The following MDM4 variants were observed in gnomAD, a reference collection of about 807,000 sequenced individuals.
The protein encoded by MDM4 is MDM4 regulator of p53.
A neutral mutation model predicts 60.2 loss-of-function variants in MDM4; 2 were observed. The ratio of observed to expected loss-of-function variants is 0.03; its 90% CI spans 0.01 to 0.10. The LOEUF is 0.10. MDM4 is among the 10% of genes least tolerant of loss of function. MDM4 has a pLI of 1.00. For synonymous variants in MDM4, 202 were observed against 198.1 expected, an observed-to-expected ratio of 1.02 and a Z score of -0.17; for missense variants, 447 against 577.5, an observed-to-expected ratio of 0.77 and a Z score of 2.32.
intron 7 of MDM4, among the ~76,000 whole-genome samples, chr1:204,539,937 A>G (rs1025266380): frequency 6.6e-6 from 1 of 152,164 alleles, no homozygotes; most frequent in Non-Finnish European, 1.5e-5. Context: ...ATTATTTAAA[A>G]TATTACAAAA....
At position 204,553,527 on chromosome 1, in the gene MDM4, A is replaced by G. The variant is rs1663365653; in HGVS notation, c.*3845A>G. Reference sequence around the variant, plus strand: ...CGAGTTGATATCTTGATTGTGAGGAAGGATCTGTGTCATTGGAGCTTGTTT... The same window carrying G: ...CGAGTTGATATCTTGATTGTGAGGAGGGATCTGTGTCATTGGAGCTTGTTT... On this transcript the variant is annotated 3_prime_UTR_variant, in exon 11 of 11. Coordinates refer to ENST00000367182, the MANE Select transcript of MDM4 (RefSeq NM_002393.5). 1 of 226,816 alleles carries G rather than the reference A, an allele frequency of 4.4e-6. No homozygotes were observed. The highest frequency in any genetic ancestry group is 2.2e-5 in the African/African-American group (1 of 45,000). The allele number at this position is 226,816 out of a possible 1,614,324, so 14.1% of individuals were successfully genotyped here.
intron 1 of MDM4, among the ~76,000 whole-genome samples, chr1:204,523,465 T>TA (rs1381553438): frequency 1.1e-4 from 12 of 104,756 alleles, no homozygotes; most frequent in Non-Finnish European, 1.4e-4. Flanking sequence ...AGACTCCACC[T>TA]AAAAAAAATT....
At position 204,539,544 on chromosome 1, in the gene MDM4, T is replaced by G. The variant is rs149190749; in HGVS notation, c.511+1236T>G. On this transcript the variant is annotated intron_variant, in intron 7 of 10. Coordinates refer to ENST00000367182, the MANE Select transcript of MDM4 (RefSeq NM_002393.5). ...TTTTTTTTTTGTTTTGTTTTGTTTTTTTTTTTTTGAGACAGGGTCTTGCTC... is the reference window on the plus strand; with the variant it reads ...TTTTTTTTTTGTTTTGTTTTGTTTTGTTTTTTTTGAGACAGGGTCTTGCTC... Among the ~76,000 whole-genome samples the G allele has an allele frequency of 6.9e-3, 1,044 of 150,382 alleles. 12 individuals are homozygous for G. The highest frequency in any genetic ancestry group is 0.022 in the African/African-American group (903 of 40,688).
chr1:204,520,044 G>A (rs1380804257), intron 1 of MDM4, among the ~76,000 whole-genome samples: 1 of 152,122 alleles, frequency 6.6e-6, no homozygotes, highest in Non-Finnish European at 1.5e-5. Flanking sequence ...TTGGGAGGCC[G>A]AGGCGGGCGG....
At chr1:204,519,830 T>C (rs1399753038) in intron 1 of MDM4, among the ~76,000 whole-genome samples, 1 of 151,492 alleles carries the variant, frequency 6.6e-6, no homozygotes, top group Admixed American at 6.6e-5. Flanking sequence ...TCTATATCTA[T>C]TCTGTAATTT....
At chr1:204,538,367 T>G (rs2102396840) in intron 7 of MDM4, 59 bp downstream of exon 7, 1 of 894,106 alleles carries the variant, frequency 1.1e-6, no homozygotes, top group East Asian at 2.4e-5. Context: ...AACCTTTTTA[T>G]TTTTAATCTC....
intron 10 of MDM4, among the ~76,000 whole-genome samples, chr1:204,547,383 G>A (rs552708808): frequency 1.3e-5 from 2 of 152,318 alleles, no homozygotes; most frequent in South Asian, 2.1e-4. Context: ...GGTTAATAGG[G>A]ATGGATTTGT....
intron 1 of MDM4, among the ~76,000 whole-genome samples, chr1:204,516,942 T>C (rs1659037527): frequency 1.3e-5 from 2 of 152,138 alleles, no homozygotes; most frequent in African/African-American, 4.8e-5. Context: ...AGTGCTTGTT[T>C]GAAAATGCTT....
rs767684417 is a variant in MDM4, at chr1:204,549,129, C to T, written c.920C>T (p.Thr307Ile). 2.5e-6 allele frequency: 4 copies of T among 1,607,972 alleles called. No homozygotes were observed. Among genetic ancestry groups the T allele is most frequent in the Non-Finnish European group, 3.4e-6 (4 of 1,176,026 alleles). ...EVTSEDEWQC[T>I]ECKKFNSPSK... ...TCTTTGTAGGATGAGTGGCAGTGTA[C>T]TGAATGCAAGAAATTTAACTCTCCA... The change falls in exon 11 of 11, where the codon ACT becomes ATT. Residue 307 changes from threonine (T) to isoleucine (I), a missense_variant. By Grantham distance (89) the Thr-to-Ile change is moderately conservative (BLOSUM62 -1). Transcript: ENST00000367182.
At chr1:204,532,602 G>T in intron 5 of MDM4, 1 of 613,316 alleles carries the variant, frequency 1.6e-6, no homozygotes, top group Non-Finnish European at 2.8e-6. Context: ...TTCATAGCCA[G>T]TTTATGTATC....
chr1:204,530,618 C>T, intron 3 of MDM4, 66 bp from the exon 4 acceptor site: 2 of 1,589,424 alleles, frequency 1.3e-6, no homozygotes, highest in Non-Finnish European at 8.6e-7. Context: ...ACCTTACCTC[C>T]TCTAATGAAT....
rs191548325 is a variant in MDM4 at position 204,551,237 on chromosome 1, C to T, written c.*1555C>T. The T allele has an allele frequency of 1.4e-3, 295 of 213,594 alleles. 1 individual carries two copies. The highest frequency in any genetic ancestry group is 2.3e-3 in the Non-Finnish European group (244 of 106,222). The allele number at this position is 213,594 out of a possible 1,614,324, so 13.2% of individuals were successfully genotyped here. On this transcript the variant is annotated 3_prime_UTR_variant, in exon 11 of 11. Coordinates refer to ENST00000367182, the MANE Select transcript of MDM4 (RefSeq NM_002393.5). ...AATTTTGTATTTTTTGTACAGACAGCATTTTGCCATGTTGCCCAGGCTGGT... is the reference window on the plus strand; with the variant it reads ...AATTTTGTATTTTTTGTACAGACAGTATTTTGCCATGTTGCCCAGGCTGGT...
rs1019933327 is a variant in MDM4 at position 204,544,743 on chromosome 1, G to C, written c.822+59G>C. On this transcript the variant is annotated intron_variant, in intron 9 of 10. Transcript: ENST00000367182. ...TTGTGTGCTCATAGTATCATCTGTT[G>C]AGATTTCTTTGTATCTGTTTTTACA... 5 of 1,488,138 alleles carry C rather than the reference G, an allele frequency of 3.4e-6. No individual in the cohort carries two copies. The East Asian group carries it at 9.3e-5, about 28-fold the overall frequency. 92.2% of individuals were successfully genotyped at this position (1,488,138 alleles called of 1,614,324 possible).
rs60954516 is a variant in MDM4, at chr1:204,523,473, A to ATTTTTT, written c.-35-1988_-35-1983dup. On this transcript the variant is annotated intron_variant, in intron 1 of 10. Transcript: ENST00000367182. ...CAGAGCGAGACTCCACCTAAAAAAA[A>ATTTTTT]TTTTTTTTTTTTTTTTTTTTTTTTT... Among the ~76,000 whole-genome samples, 37 of 58,966 alleles carry ATTTTTT rather than the reference A, an allele frequency of 6.3e-4. 4 individuals are homozygous for ATTTTTT. Among genetic ancestry groups the ATTTTTT allele is most frequent in the Non-Finnish European group, 8.1e-4 (29 of 35,778 alleles). 38.7% of individuals were successfully genotyped at this position (58,966 alleles called of 152,430 possible).
At chr1:204,546,600 G>T (rs757100837) in intron 9 of MDM4, among the ~76,000 whole-genome samples, 197 bp from the exon 10 acceptor site, 1 of 152,110 alleles carries the variant, frequency 6.6e-6, no homozygotes, top group Non-Finnish European at 1.5e-5. Context: ...CTTTTCTGTC[G>T]TTTGTGCTAC....
rs1045954691 is a variant in MDM4 at position 204,516,460 on chromosome 1, C to G, written c.-85C>G. 1 of 152,290 alleles carries G rather than the reference C, an allele frequency of 6.6e-6. No individual in the cohort carries two copies. The highest frequency in any genetic ancestry group is 1.5e-5 in the Non-Finnish European group (1 of 68,086). The allele number at this position is 152,290 out of a possible 1,614,324, so 9.4% of individuals were successfully genotyped here. On this transcript the variant is annotated 5_prime_UTR_variant, in exon 1 of 11. Coordinates refer to ENST00000367182, the MANE Select transcript of MDM4 (RefSeq NM_002393.5). ...GCCCTAGGATCTGTGACTGCCACCC[C>G]TCCCCCCACCCGGGCTCGGCGGGGG...
Position 204,554,335 on chromosome 1 carries a change from T to C in MDM4, c.*4653T>C, listed in dbSNP as rs983502192. ...GTTTTCCATTTAGTCAGTTATCTGCTTAAATTGTTCAGAACTATATCCTAA... is the reference window on the plus strand; with the variant it reads ...GTTTTCCATTTAGTCAGTTATCTGCCTAAATTGTTCAGAACTATATCCTAA... On this transcript the variant is annotated 3_prime_UTR_variant, in exon 11 of 11. Transcript: ENST00000367182. The C allele has an allele frequency of 4.4e-6, 1 of 225,896 alleles. No individual in the cohort carries two copies. Among genetic ancestry groups the C allele is most frequent in the Non-Finnish European group, 8.8e-6 (1 of 113,576 alleles). 14.0% of individuals were successfully genotyped at this position (225,896 alleles called of 1,614,324 possible).
At chr1:204,533,272 G>C (rs941986335) in intron 5 of MDM4, among the ~76,000 whole-genome samples, 8 of 152,180 alleles carry the variant, frequency 5.3e-5, no homozygotes, top group Non-Finnish European at 1.0e-4. Flanking sequence ...TCCAAATAAT[G>C]AAACTTTTTC....
rs539147076 is a variant in MDM4 at position 204,532,967 on chromosome 1, T to G, written c.343+721T>G. ...CTTCTGTTTAATCACATCAGAGTCA[T>G]GTAAGGTCTGCCTGTCTATTTTAGT... is the stretch of plus-strand genomic sequence containing the variant. On this transcript the variant is annotated intron_variant, in intron 5 of 10. Transcript: ENST00000367182. 108 of 849,098 alleles carry G rather than the reference T, an allele frequency of 1.3e-4. 1 individual carries two copies. The South Asian group carries it at 1.6e-3, about 13-fold the overall frequency. 52.6% of individuals were successfully genotyped at this position (849,098 alleles called of 1,614,324 possible).
Sources: allele counts gnomAD v4.1 joint callset (sites outside exome capture counted in the v4.1 genomes callset), GRCh38; gene constraint gnomAD v4.1.1; transcripts MANE v1.5; gene names NCBI Gene and HGNC (gene_info 2026-07-23, HGNC 2026-07-21).